Variants in KCND3 observed in about 807,000 individuals in gnomAD.
The protein encoded by KCND3 is potassium voltage-gated channel subfamily D member 3, also known as A-type voltage-gated potassium channel KCND3.
A neutral mutation model predicts 51.1 loss-of-function variants in KCND3; 9 were observed. That is an observed-to-expected ratio of 0.18 (90% CI 0.11 to 0.31). KCND3 has a LOEUF of 0.31. KCND3 is among the 10% of genes least tolerant of loss of function. The probability of loss-of-function intolerance (pLI) is 1.00; values close to 1 mark genes in which losing one functional copy is unlikely to be tolerated. For missense variants in KCND3, 526 were observed against 903.8 expected (o/e 0.58, Z 5.36); for synonymous variants, 349 against 368.0 (o/e 0.95, Z 0.59).
At chr1:111,979,426 A>G (rs116284332) in intron 2 of KCND3, among the ~76,000 whole-genome samples, 1,562 of 152,366 alleles carry the variant, frequency 0.01, 26 homozygotes, top group African/African-American at 0.036. Flanking sequence ...TGTCTGGTAC[A>G]GTGCCTGGCA....
Position 111,876,572 on chromosome 1 carries a change from C to T in KCND3, c.1107-89466G>A, listed in dbSNP as rs773239795. 7.2e-4 allele frequency among the ~76,000 whole-genome samples: 109 copies of T among 152,346 alleles called. 1 individual carries two copies. The highest frequency in any genetic ancestry group is 6.8e-3 in the Middle Eastern group (2 of 294). The stretch of plus-strand genomic sequence containing the variant: ...AATTGTGACTGGATTTTAACTTCAG[C>T]CCAAGCAAGATAAAACCAGGCAAGT... On this transcript the variant is annotated intron_variant, in intron 2 of 7. Coordinates refer to ENST00000302127, the MANE Select transcript of KCND3 (RefSeq NM_001378969.1).
intron 2 of KCND3, among the ~76,000 whole-genome samples, chr1:111,901,506 G>T (rs1002705438): frequency 6.6e-6 from 1 of 152,182 alleles, no homozygotes; most frequent in African/African-American, 2.4e-5. Flanking sequence ...CACTGGCTGT[G>T]CAGTGGCAGG....
chr1:111,955,434 A>G (rs769127497), intron 2 of KCND3, among the ~76,000 whole-genome samples: 2 of 152,152 alleles, frequency 1.3e-5, no homozygotes, highest in African/African-American at 2.4e-5. Flanking sequence ...AACAGCAACA[A>G]CAAAAACCAT....
intron 2 of KCND3, among the ~76,000 whole-genome samples, chr1:111,909,127 C>T (rs1396334737): frequency 1.3e-5 from 2 of 152,056 alleles, no homozygotes; most frequent in Admixed American, 6.5e-5. Context: ...CTCATCTTCT[C>T]CCTGGCCCCA....
chr1:111,884,878 G>A (rs1669498551), intron 2 of KCND3, among the ~76,000 whole-genome samples: 1 of 152,194 alleles, frequency 6.6e-6, no homozygotes, highest in African/African-American at 2.4e-5. Context: ...TATTGACATT[G>A]GGCCTGATAA....
intron 2 of KCND3, among the ~76,000 whole-genome samples, chr1:111,968,844 C>T (rs1674165634): frequency 6.6e-6 from 1 of 152,126 alleles, no homozygotes; most frequent in African/African-American, 2.4e-5. Flanking sequence ...CTGAGTGATA[C>T]CCAAAGCCAC....
rs539326479 is a variant in KCND3, at chr1:111,849,934, C to T, written c.1107-62828G>A. Among the ~76,000 whole-genome samples, 196 of 152,178 alleles carry T rather than the reference C, an allele frequency of 1.3e-3. 1 individual carries two copies. Among genetic ancestry groups the T allele is most frequent in the African/African-American group, 4.3e-3 (178 of 41,516 alleles). The stretch of plus-strand genomic sequence containing the variant: ...CAGGATTCTGGATCTGAGACCCAGC[C>T]TCCTCCCCGTGGGCCCTCCATATCT... On this transcript the variant is annotated intron_variant, in intron 2 of 7. Transcript: ENST00000302127.
intron 6 of KCND3, among the ~76,000 whole-genome samples, chr1:111,778,192 T>A (rs1399916545): frequency 6.6e-6 from 1 of 152,168 alleles, no homozygotes; most frequent in Non-Finnish European, 1.5e-5. Flanking sequence ...ACTGGTGCCA[T>A]GTTCCACCAC....
intron 2 of KCND3, among the ~76,000 whole-genome samples, chr1:111,933,671 C>T (rs969537994): frequency 1.3e-5 from 2 of 152,178 alleles, no homozygotes; most frequent in Non-Finnish European, 2.9e-5. Flanking sequence ...GGAGGCCAAG[C>T]TCCACCTTTC....
chr1:111,848,423 C>T (rs116348235), intron 2 of KCND3, among the ~76,000 whole-genome samples: 1,530 of 152,338 alleles, frequency 0.01, 31 homozygotes, highest in African/African-American at 0.034. Flanking sequence ...ACTAACCGCT[C>T]CTTTCCTGAT....
At position 111,775,812 on chromosome 1, in the gene KCND3, ATCCCCG is replaced by A; in HGVS notation, c.*259_*264del. On this transcript the variant is annotated 3_prime_UTR_variant, in exon 8 of 8. Coordinates refer to ENST00000302127, the MANE Select transcript of KCND3 (RefSeq NM_001378969.1). ...GCACATAGCCTATATCCCCCGGCCT[ATCCCCG>A]ACCCCCCCACCCTCCCTCCCTTCCT... The A allele has an allele frequency of 3.1e-6, 1 of 321,722 alleles. No individual in the cohort carries two copies. Among genetic ancestry groups the A allele is most frequent in the Non-Finnish European group, 6.1e-6 (1 of 163,296 alleles). The allele number at this position is 321,722 out of a possible 1,614,324, so 19.9% of individuals were successfully genotyped here. A position where few individuals can be genotyped will look rare whatever the true frequency, so the allele number is the denominator to read the frequency against.
At chr1:111,922,181 A>T (rs1047675175) in intron 2 of KCND3, among the ~76,000 whole-genome samples, 2 of 152,238 alleles carry the variant, frequency 1.3e-5, no homozygotes, top group African/African-American at 4.8e-5. Flanking sequence ...CAGCATCTTT[A>T]ATTCATGAGC....
intron 2 of KCND3, among the ~76,000 whole-genome samples, chr1:111,843,727 TCCTCAAATTTGAA>T (rs1271415552): frequency 6.6e-6 from 1 of 152,176 alleles, no homozygotes; most frequent in Non-Finnish European, 1.5e-5. Flanking sequence ...AAACATAGGC[TCCTCAAATTTGAA>T]CCTTGTGTTT....
At chr1:111,847,495 G>GCCA (rs1385416151) in intron 2 of KCND3, among the ~76,000 whole-genome samples, 3 of 152,172 alleles carry the variant, frequency 2.0e-5, no homozygotes, top group Admixed American at 6.5e-5. Flanking sequence ...AGCCCAGAAT[G>GCCA]CCATGGGCCT....
At chr1:111,826,449 G>A (rs17028707) in intron 2 of KCND3, among the ~76,000 whole-genome samples, 2,386 of 152,216 alleles carry the variant, frequency 0.016, 56 homozygotes, top group African/African-American at 0.056. Flanking sequence ...TCAACTTTCA[G>A]GTCTAGGACA....
At chr1:111,787,726 A>T (rs1664667418) in intron 2 of KCND3, among the ~76,000 whole-genome samples, 1 of 152,180 alleles carries the variant, frequency 6.6e-6, no homozygotes, top group Non-Finnish European at 1.5e-5. Context: ...ACAGAATCTC[A>T]TTTATGATGA....
At chr1:111,882,334 C>T (rs1051128562) in intron 2 of KCND3, among the ~76,000 whole-genome samples, 8 of 152,246 alleles carry the variant, frequency 5.3e-5, no homozygotes, top group African/African-American at 1.9e-4. Flanking sequence ...GGCAGGGCCT[C>T]TGGCGTCCGG....
intron 2 of KCND3, among the ~76,000 whole-genome samples, chr1:111,958,268 C>T (rs767494319): frequency 6.6e-6 from 1 of 152,186 alleles, no homozygotes; most frequent in Non-Finnish European, 1.5e-5. Flanking sequence ...AGGCTGTTCT[C>T]GTCCCCGCTG....
chr1:111,944,499 C>T (rs1672684061), intron 2 of KCND3, among the ~76,000 whole-genome samples: 1 of 152,216 alleles, frequency 6.6e-6, no homozygotes, highest in Non-Finnish European at 1.5e-5. Flanking sequence ...CCCCAGTAGA[C>T]CTTTGCGAGG....
Sources: gnomAD v4.1 joint callset for allele counts (sites outside exome capture counted in the v4.1 genomes callset) on GRCh38, gnomAD v4.1.1 for gene constraint, MANE v1.5 for transcripts, NCBI Gene and HGNC (gene_info 2026-07-23, HGNC 2026-07-21) for gene names.